CEP57L1: variants seen among roughly 807,000 people sequenced by gnomAD.
CEP57L1 encodes centrosomal protein 57 like 1, also known as centrosomal protein CEP57L1.
In CEP57L1, 37 loss-of-function variants were observed where a neutral mutation model predicts 61.0. That is an observed-to-expected ratio of 0.61 (90% CI 0.47 to 0.80). The LOEUF (loss-of-function observed/expected upper bound fraction) is 0.80. CEP57L1 is among the 30% of genes least tolerant of loss of function. CEP57L1 has a pLI of 0.00. For synonymous variants in CEP57L1, 137 were observed against 162.3 expected (o/e 0.84, Z 1.19); for missense variants, 422 against 524.7 (o/e 0.80, Z 1.91).
At chr6:109,155,385 T>A in intron 6 of CEP57L1, 78 bp downstream of exon 6, 3 of 746,106 alleles carry the variant, frequency 4.0e-6, no homozygotes, top group Non-Finnish European at 6.0e-6. Context: ...AACTGAAGCC[T>A]ATGTTCTAGA....
intron 1 of CEP57L1, among the ~76,000 whole-genome samples, chr6:109,132,990 C>G (rs1476941247): frequency 1.3e-5 from 2 of 152,016 alleles, no homozygotes; most frequent in Admixed American, 1.3e-4. Flanking sequence ...GAGTACTAGT[C>G]CCTGGTAAAT....
intron 10 of CEP57L1, among the ~76,000 whole-genome samples, chr6:109,161,902 A>G (rs1054963775): frequency 1.3e-5 from 2 of 151,986 alleles, no homozygotes; most frequent in Non-Finnish European, 2.9e-5. Flanking sequence ...AGAACTAGGT[A>G]CTCCCCCAAA....
chr6:109,107,903 T>C (rs930879131), intron 1 of CEP57L1, among the ~76,000 whole-genome samples: 9 of 152,100 alleles, frequency 5.9e-5, no homozygotes, highest in Admixed American at 3.3e-4. Flanking sequence ...ATCGTGCCAT[T>C]GCACTGCAGC....
chr6:109,131,069 G>A (rs1774142727), intron 1 of CEP57L1, among the ~76,000 whole-genome samples: 1 of 152,052 alleles, frequency 6.6e-6, no homozygotes, highest in Admixed American at 6.6e-5. Context: ...ATCTATCAAG[G>A]AATGTTTTTT....
intron 4 of CEP57L1, among the ~76,000 whole-genome samples, chr6:109,153,354 A>C (rs569003946): frequency 7.0e-6 from 1 of 143,376 alleles, no homozygotes; most frequent in African/African-American, 2.6e-5. Context: ...CAATCTTCTC[A>C]TCTCAGCCTC....
intron 1 of CEP57L1, 99 bp from the exon 2 acceptor site, chr6:109,145,119 AT>A: frequency 1.5e-6 from 1 of 673,874 alleles, no homozygotes; most frequent in South Asian, 3.4e-5. Flanking sequence ...ACTCCACAGT[AT>A]ATGATTATGT....
At chr6:109,157,192 C>G (rs1156510689) in intron 7 of CEP57L1, 1 of 152,062 alleles carries the variant, frequency 6.6e-6, no homozygotes, top group East Asian at 1.9e-4. Context: ...GTTCAAATCC[C>G]AAGTTCACGG....
In CEP57L1 at chr6:109,171,688, TAGG is replaced by T. The variant is rs1774416135; in HGVS notation, c.*8723_*8725del. Among the ~76,000 whole-genome samples, 1 of 152,208 alleles carries T rather than the reference TAGG, an allele frequency of 6.6e-6. No homozygotes were observed. Among genetic ancestry groups the T allele is most frequent in the Admixed American group, 6.5e-5 (1 of 15,284 alleles). On this transcript the variant is annotated 3_prime_UTR_variant, in exon 11 of 11. Coordinates refer to ENST00000517392, the MANE Select transcript of CEP57L1 (RefSeq NM_001271852.3). ...AAGTCTTGCAAGGGAGTACAAGCTT[TAGG>T]AGGACAGGCTTATCAAATTAAAAAA...
At chr6:109,120,571 G>A (rs998374399) in intron 1 of CEP57L1, among the ~76,000 whole-genome samples, 29 of 152,088 alleles carry the variant, frequency 1.9e-4, no homozygotes, top group Non-Finnish European at 3.5e-4. Flanking sequence ...TGCTGTTTAA[G>A]TTTTGTTACC....
chr6:109,097,828 T>C (rs1781892995), intron 1 of CEP57L1, among the ~76,000 whole-genome samples: 1 of 151,980 alleles, frequency 6.6e-6, no homozygotes, highest in Non-Finnish European at 1.5e-5. Flanking sequence ...AGATATGAAG[T>C]AGGGGAGGGA....
rs1040983723 is a variant in CEP57L1 at position 109,172,449 on chromosome 6, A to G, written c.*9479A>G. ...CTGGTATGGCCTAAGGCCCCCAAGT[A>G]AATTAAAACATTCATATCAGGCAGG... is the stretch of plus-strand genomic sequence containing the variant. On this transcript the variant is annotated 3_prime_UTR_variant, in exon 11 of 11. Transcript: ENST00000517392. Among the ~76,000 whole-genome samples, 1 of 152,242 alleles carries G rather than the reference A, an allele frequency of 6.6e-6. No homozygotes were observed. Among genetic ancestry groups the G allele is most frequent in the Non-Finnish European group, 1.5e-5 (1 of 68,040 alleles).
intron 1 of CEP57L1, among the ~76,000 whole-genome samples, chr6:109,134,951 G>A (rs528012986): frequency 2.0e-5 from 3 of 152,300 alleles, no homozygotes; most frequent in East Asian, 1.9e-4. Flanking sequence ...ATGCTCATGA[G>A]TAGGAAGAAT....
rs1774202524 is a variant in CEP57L1 at position 109,167,734 on chromosome 6, G to T, written c.*4764G>T. On this transcript the variant is annotated 3_prime_UTR_variant, in exon 11 of 11. Transcript: ENST00000517392. Reference sequence around the variant, plus strand: ...AGGAATAGCCCAGTATTGTTTGTTTGGGGAGGGGCAGGGTGTGGTTCCACC... The same window carrying T: ...AGGAATAGCCCAGTATTGTTTGTTTTGGGAGGGGCAGGGTGTGGTTCCACC... Among the ~76,000 whole-genome samples the T allele has an allele frequency of 6.6e-6, 1 of 152,080 alleles. No homozygotes were observed. The highest frequency in any genetic ancestry group is 1.5e-5 in the Non-Finnish European group (1 of 67,992).
intron 1 of CEP57L1, among the ~76,000 whole-genome samples, chr6:109,135,072 T>A (rs1325743558): frequency 6.6e-6 from 1 of 152,018 alleles, no homozygotes; most frequent in Admixed American, 6.6e-5. Context: ...ACTTTAAAGT[T>A]CATATGGAAC....
At chr6:109,131,385 C>G (rs546581327) in intron 1 of CEP57L1, among the ~76,000 whole-genome samples, 1 of 152,120 alleles carries the variant, frequency 6.6e-6, no homozygotes, top group East Asian at 1.9e-4. Flanking sequence ...AGTGAACTCT[C>G]TAGTTAATAA....
intron 3 of CEP57L1, among the ~76,000 whole-genome samples, 162 bp downstream of exon 3, chr6:109,147,099 TAC>T (rs1369318816): frequency 6.6e-6 from 1 of 152,146 alleles, no homozygotes; most frequent in Non-Finnish European, 1.5e-5. Context: ...GAGAAAAAGA[TAC>T]AGTTTTGAAC....
chr6:109,122,731 C>G (rs924664400), intron 1 of CEP57L1, among the ~76,000 whole-genome samples: 1 of 151,946 alleles, frequency 6.6e-6, no homozygotes, highest in African/African-American at 2.4e-5. Flanking sequence ...GAACCCAACC[C>G]GGGAGGCGTA....
intron 1 of CEP57L1, among the ~76,000 whole-genome samples, chr6:109,113,269 G>A (rs1467651309): frequency 6.6e-6 from 1 of 151,998 alleles, no homozygotes; most frequent in Non-Finnish European, 1.5e-5. Context: ...TTTGTAACAT[G>A]GATCGTCCCC....
chr6:109,143,032 G>A (rs1317041271), intron 1 of CEP57L1, among the ~76,000 whole-genome samples: 1 of 142,352 alleles, frequency 7.0e-6, no homozygotes, highest in Admixed American at 7.2e-5. Context: ...TGATGCACCA[G>A]AAAGGGGCCA....
Sources: gnomAD v4.1 joint callset for allele counts (sites outside exome capture counted in the v4.1 genomes callset) on GRCh38, gnomAD v4.1.1 for gene constraint, MANE v1.5 for transcripts, NCBI Gene and HGNC (gene_info 2026-07-23, HGNC 2026-07-21) for gene names.